Variants in ST6GALNAC3 observed in about 807,000 individuals in gnomAD.
The protein encoded by ST6GALNAC3 is ST6 N-acetylgalactosaminide alpha-2,6-sialyltransferase 3, also known as alpha-N-acetylgalactosaminide alpha-2,6-sialyltransferase 3.
A neutral mutation model predicts 32.7 loss-of-function variants in ST6GALNAC3; 25 were observed. The observed-to-expected ratio is 0.76, with a 90% confidence interval of 0.56 to 1.07. The LOEUF (loss-of-function observed/expected upper bound fraction) is 1.07. Among genes scored for constraint, ST6GALNAC3 ranks in the 50% least tolerant of loss-of-function variants. The pLI is 0.00. For synonymous variants in ST6GALNAC3, 129 were observed against 133.1 expected, an observed-to-expected ratio of 0.97 and a Z score of 0.21; for missense variants, 355 against 382.4, an observed-to-expected ratio of 0.93 and a Z score of 0.60.
chr1:76,481,819 C>A (rs558810574), intron 3 of ST6GALNAC3, among the ~76,000 whole-genome samples: 38 of 152,080 alleles, frequency 2.5e-4, no homozygotes, highest in Non-Finnish European at 4.6e-4. Context: ...TGCAAAAGTT[C>A]TAGAAATATT....
intron 3 of ST6GALNAC3, among the ~76,000 whole-genome samples, chr1:76,538,120 A>G (rs138613693): frequency 1.9e-4 from 29 of 152,342 alleles, no homozygotes; most frequent in African/African-American, 6.3e-4. Context: ...AAAATCCTCA[A>G]TAAAATACTG....
At chr1:76,494,429 G>GTATATATATATA (rs60378565) in intron 3 of ST6GALNAC3, among the ~76,000 whole-genome samples, 2 of 53,420 alleles carry the variant, frequency 3.7e-5, no homozygotes, top group African/African-American at 6.3e-5. Flanking sequence ...GTGTGCATGT[G>GTATATATATATA]TATATATATA....
Position 76,074,768 on chromosome 1 carries a change from G to A in ST6GALNAC3, c.-99G>A, listed in dbSNP as rs1646788041. The A allele has an allele frequency of 6.6e-6, 9 of 1,358,262 alleles. No homozygotes were observed. In the South Asian group the frequency reaches 1.0e-4, roughly 15 times the overall value. 84.1% of individuals were successfully genotyped at this position (1,358,262 alleles called of 1,614,324 possible). ...TTTGGATCTGCGGGAATGTGGGCTG[G>A]AGAGGTCCTGCCGTGGTACCAGCCT... On this transcript the variant is annotated 5_prime_UTR_variant, in exon 1 of 5. Transcript: ENST00000328299.
intron 3 of ST6GALNAC3, among the ~76,000 whole-genome samples, chr1:76,589,037 G>A (rs1450684218): frequency 2.0e-5 from 3 of 146,638 alleles, no homozygotes; most frequent in Non-Finnish European, 3.0e-5. Context: ...GATCCTGACT[G>A]ATACACTGGT....
chr1:76,493,159 A>C (rs545940116), intron 3 of ST6GALNAC3, among the ~76,000 whole-genome samples: 1 of 152,226 alleles, frequency 6.6e-6, no homozygotes, highest in East Asian at 1.9e-4. Context: ...TCAAAATTGA[A>C]TGCTGCCTTT....
intron 1 of ST6GALNAC3, among the ~76,000 whole-genome samples, chr1:76,118,711 TTA>T (rs1648652062): frequency 6.6e-6 from 1 of 152,248 alleles, no homozygotes; most frequent in Non-Finnish European, 1.5e-5. Context: ...ATGGAAATGC[TTA>T]TATACTCCTT....
Position 76,560,414 on chromosome 1 carries a change from A to G in ST6GALNAC3, c.624-67038A>G, listed in dbSNP as rs186749510. ...AGCGACAACCCACAGAATGGGAGAA[A>G]ATACTTGCAAACTACCCATCTGACA... On this transcript the variant is annotated intron_variant, in intron 3 of 4. Coordinates refer to ENST00000328299, the MANE Select transcript of ST6GALNAC3 (RefSeq NM_152996.4). 3.3e-5 allele frequency among the ~76,000 whole-genome samples: 5 copies of G among 152,318 alleles called. No individual in the cohort carries two copies. In the East Asian group the frequency reaches 9.6e-4, roughly 29 times the overall value.
intron 1 of ST6GALNAC3, among the ~76,000 whole-genome samples, chr1:76,087,657 A>G (rs1646982845): frequency 6.6e-6 from 1 of 152,208 alleles, no homozygotes; most frequent in Non-Finnish European, 1.5e-5. Context: ...AGGTGAGGAA[A>G]TGAAGGCTTG....
intron 1 of ST6GALNAC3, among the ~76,000 whole-genome samples, chr1:76,196,962 A>C (rs764701895): frequency 1.3e-5 from 2 of 152,282 alleles, no homozygotes; most frequent in South Asian, 2.1e-4. Flanking sequence ...TTTTATCTGA[A>C]CAATAAGCTG....
chr1:76,360,658 A>G (rs1326043761), intron 2 of ST6GALNAC3, among the ~76,000 whole-genome samples: 3 of 152,216 alleles, frequency 2.0e-5, no homozygotes, highest in African/African-American at 7.2e-5. Flanking sequence ...TATCCATGCT[A>G]GATTATATTA....
intron 2 of ST6GALNAC3, among the ~76,000 whole-genome samples, chr1:76,378,576 T>C (rs12037956): frequency 0.99 from 149,740 of 151,940 alleles, 73,829 homozygotes; most frequent in Middle Eastern, 1. Context: ...ACAGGAGAAT[T>C]GCTTGAACCC....
chr1:76,634,915 G>A (rs1649466173), downstream of ST6GALNAC3, among the ~76,000 whole-genome samples: 1 of 42,306 alleles, frequency 2.4e-5, no homozygotes, highest in Admixed American at 2.4e-4. Context: ...TAGCCGGGAT[G>A]GTCTCGATCT....
At chr1:76,254,324 T>G (rs1657795784) in intron 1 of ST6GALNAC3, among the ~76,000 whole-genome samples, 1 of 152,116 alleles carries the variant, frequency 6.6e-6, no homozygotes, top group South Asian at 2.1e-4. Context: ...AGGAAGCTGC[T>G]GTGGAATTAG....
At chr1:76,238,018 C>T (rs988506169) in intron 1 of ST6GALNAC3, among the ~76,000 whole-genome samples, 3 of 152,212 alleles carry the variant, frequency 2.0e-5, no homozygotes, top group African/African-American at 7.2e-5. Flanking sequence ...CGAATTATTT[C>T]TCCTGTCAAA....
intron 1 of ST6GALNAC3, among the ~76,000 whole-genome samples, chr1:76,263,340 T>C (rs1487076000): frequency 3.9e-5 from 6 of 152,176 alleles, no homozygotes; most frequent in Non-Finnish European, 8.8e-5. Flanking sequence ...AAATATTATA[T>C]GCTAATATTT....
rs1296355033 is a variant in ST6GALNAC3, at chr1:76,568,714, C to T, written c.624-58738C>T. On this transcript the variant is annotated intron_variant, in intron 3 of 4. Transcript: ENST00000328299. ...AACACAGACACGCAGTATAGTGCTTCGTGTCCAGGTGCATTAATGAGCTGT... is the reference window on the plus strand; with the variant it reads ...AACACAGACACGCAGTATAGTGCTTTGTGTCCAGGTGCATTAATGAGCTGT... 2.0e-5 allele frequency among the ~76,000 whole-genome samples: 3 copies of T among 152,086 alleles called. No individual in the cohort carries two copies. In the East Asian group the frequency reaches 5.8e-4, roughly 29 times the overall value.
At chr1:76,334,095 A>G (rs55979449) in intron 2 of ST6GALNAC3, among the ~76,000 whole-genome samples, 1,636 of 152,218 alleles carry the variant, frequency 0.011, 36 homozygotes, top group African/African-American at 0.037. Flanking sequence ...GTAGAATTAC[A>G]TGTATTTATT....
At chr1:76,312,292 T>A (rs1324158848) in intron 1 of ST6GALNAC3, among the ~76,000 whole-genome samples, 2 of 152,160 alleles carry the variant, frequency 1.3e-5, no homozygotes, top group Non-Finnish European at 2.9e-5. Context: ...ATTAAAGACT[T>A]AAACATAAGA....
intron 1 of ST6GALNAC3, among the ~76,000 whole-genome samples, chr1:76,309,190 T>G (rs1400667842): frequency 6.6e-6 from 1 of 152,152 alleles, no homozygotes; most frequent in African/African-American, 2.4e-5. Context: ...ACACCTGGTA[T>G]TATAGTGTTC....
Sources: allele counts gnomAD v4.1 joint callset (sites outside exome capture counted in the v4.1 genomes callset), GRCh38; gene constraint gnomAD v4.1.1; transcripts MANE v1.5; gene names NCBI Gene and HGNC (gene_info 2026-07-23, HGNC 2026-07-21).